Variants in SEMA3A observed in about 807,000 individuals in gnomAD.
SEMA3A encodes semaphorin-3A.
SEMA3A carries 29 observed loss-of-function variants against 97.9 expected under a neutral mutation model. The ratio of observed to expected loss-of-function variants is 0.30; its 90% confidence interval spans 0.22 to 0.40. SEMA3A has a LOEUF of 0.40. Ranked by LOEUF, SEMA3A falls within the 10% of genes least tolerant of loss-of-function variation. The probability of loss-of-function intolerance (pLI) is 1.00; values close to 1 mark genes in which losing one functional copy is unlikely to be tolerated. For missense variants in SEMA3A, 763 were observed against 951.3 expected (o/e 0.80, Z 2.60); for synonymous variants, 321 against 323.7 (o/e 0.99, Z 0.09).
intron 3 of SEMA3A, among the ~76,000 whole-genome samples, chr7:84,218,662 AAAAT>A (rs928670675): frequency 2.6e-5 from 4 of 152,084 alleles, no homozygotes; most frequent in Admixed American, 2.6e-4. Flanking sequence ...TTTTTTCTTA[AAAAT>A]AAATAATGCA....
intron 3 of SEMA3A, among the ~76,000 whole-genome samples, chr7:84,240,775 G>A (rs967775678): frequency 6.6e-6 from 1 of 152,076 alleles, no homozygotes; most frequent in African/African-American, 2.4e-5. Context: ...CGCCTGACAG[G>A]CCCCTGTGTG....
intron 6 of SEMA3A, among the ~76,000 whole-genome samples, chr7:84,017,766 TTATTC>T (rs1476706781): frequency 6.6e-6 from 1 of 152,152 alleles, no homozygotes; most frequent in African/African-American, 2.4e-5. Flanking sequence ...GCCCTCTTTC[TTATTC>T]TCTAAGTGTA....
At chr7:84,180,029 C>A (rs1005580121) in intron 1 of SEMA3A, among the ~76,000 whole-genome samples, 1 of 148,530 alleles carries the variant, frequency 6.7e-6, no homozygotes, top group African/African-American at 2.5e-5. Context: ...TCACCACAAC[C>A]TCCACCTCCC....
intron 1 of SEMA3A, among the ~76,000 whole-genome samples, chr7:84,167,272 A>C (rs929472468): frequency 6.6e-6 from 1 of 152,192 alleles, no homozygotes. Context: ...GAAGTCATAC[A>C]AATTCTTACA....
rs188000437 is a variant in SEMA3A at position 84,251,806 on chromosome 7, C to A, written c.-83+55401G>T. Among the ~76,000 whole-genome samples, 50 of 152,176 alleles carry A rather than the reference C, an allele frequency of 3.3e-4. No individual in the cohort carries two copies. The East Asian group carries it at 3.9e-3, about 12-fold the overall frequency. On this transcript the variant is annotated intron_variant, in intron 3 of 3. Coordinates refer to the SEMA3A transcript ENST00000424555. ...ATTTAGAAGCTCTTTTCTGATTAAC[C>A]AAGAACAAGAGAACCTAGACCTTCT...
chr7:84,247,371 T>G (rs1325769521), intron 3 of SEMA3A, among the ~76,000 whole-genome samples: 1 of 152,172 alleles, frequency 6.6e-6, no homozygotes, highest in Non-Finnish European at 1.5e-5. Context: ...TTCTAGTCCA[T>G]CATATTTTCT....
intron 4 of SEMA3A, among the ~76,000 whole-genome samples, chr7:84,084,024 C>G (rs1197871267): frequency 6.6e-6 from 1 of 151,966 alleles, no homozygotes; most frequent in Non-Finnish European, 1.5e-5. Flanking sequence ...TGTTTCAAGT[C>G]CAAATTTCTG....
chr7:84,202,749 G>A (rs1322703892), intron 3 of SEMA3A, among the ~76,000 whole-genome samples: 1 of 152,122 alleles, frequency 6.6e-6, no homozygotes, highest in Non-Finnish European at 1.5e-5. Context: ...TTAGGCGCCA[G>A]TCTTTGTGAC....
intron 3 of SEMA3A, among the ~76,000 whole-genome samples, chr7:84,283,104 T>C (rs922348178): frequency 6.6e-6 from 1 of 152,104 alleles, no homozygotes; most frequent in African/African-American, 2.4e-5. Context: ...ATATAAGTTG[T>C]TAATCTTTAA....
intron 1 of SEMA3A, among the ~76,000 whole-genome samples, chr7:84,151,897 T>G (rs532383060): frequency 1.3e-5 from 2 of 152,186 alleles, no homozygotes; most frequent in East Asian, 1.9e-4. Flanking sequence ...GAACAGACAC[T>G]TCTCAAAAGG....
intron 10 of SEMA3A, 49 bp from the exon 11 acceptor site, chr7:84,005,607 T>A (rs1339219565): frequency 8.1e-7 from 1 of 1,236,478 alleles, no homozygotes. Flanking sequence ...CTAATAAACA[T>A]AATTATAAAT....
At chr7:84,377,511 A>G (rs1803133780) in intron 1 of SEMA3A, among the ~76,000 whole-genome samples, 1 of 152,128 alleles carries the variant, frequency 6.6e-6, no homozygotes, top group Admixed American at 6.6e-5. Context: ...ATAGCTTTGT[A>G]GTAAATTTTG....
chr7:84,349,493 G>A (rs573358831), intron 2 of SEMA3A, among the ~76,000 whole-genome samples: 2 of 152,272 alleles, frequency 1.3e-5, no homozygotes, highest in Non-Finnish European at 2.9e-5. Context: ...TGTGCTAAAG[G>A]TAATGTGGGG....
At chr7:84,392,814 T>A (rs1469351649) in intron 1 of SEMA3A, among the ~76,000 whole-genome samples, 2 of 152,164 alleles carry the variant, frequency 1.3e-5, no homozygotes, top group African/African-American at 4.8e-5. Flanking sequence ...CAACTTTTCT[T>A]GAATCTGTTA....
At chr7:84,393,148 A>T (rs181827527) in intron 1 of SEMA3A, among the ~76,000 whole-genome samples, 1 of 151,964 alleles carries the variant, frequency 6.6e-6, no homozygotes, top group Admixed American at 6.5e-5. Context: ...TTTTGCCCCT[A>T]TGTTTTCTTC....
intron 2 of SEMA3A, among the ~76,000 whole-genome samples, chr7:84,370,488 T>A (rs1208346142): frequency 6.6e-6 from 1 of 151,700 alleles, no homozygotes; most frequent in East Asian, 1.9e-4. Context: ...TAATTTCGTG[T>A]AAAAGTTAGA....
At chr7:84,309,943 C>A (rs559803920) in intron 2 of SEMA3A, among the ~76,000 whole-genome samples, 2 of 152,046 alleles carry the variant, frequency 1.3e-5, no homozygotes, top group South Asian at 4.2e-4. Context: ...TAACTATAAA[C>A]CAAATTTAAA....
chr7:83,994,911 C>T (rs960955700), intron 12 of SEMA3A, among the ~76,000 whole-genome samples: 8 of 152,108 alleles, frequency 5.3e-5, no homozygotes, highest in Non-Finnish European at 8.8e-5. Context: ...ACCCCTCCCC[C>T]AGCCTAGCTG....
intron 1 of SEMA3A, among the ~76,000 whole-genome samples, chr7:84,412,335 C>T (rs574631893): frequency 1.3e-5 from 2 of 152,124 alleles, no homozygotes; most frequent in East Asian, 1.9e-4. Context: ...ACACAATCAG[C>T]GATGAAGCAT....
Sources: gnomAD v4.1 joint callset for allele counts (sites outside exome capture counted in the v4.1 genomes callset) on GRCh38, gnomAD v4.1.1 for gene constraint, MANE v1.5 for transcripts, NCBI Gene and HGNC (gene_info 2026-07-23, HGNC 2026-07-21) for gene names.